BMPR1B: variants seen among roughly 807,000 people sequenced by gnomAD.
BMPR1B encodes the protein bone morphogenetic protein receptor type-1B.
In BMPR1B, 12 loss-of-function variants were observed where a neutral mutation model predicts 59.1. The ratio of observed to expected loss-of-function variants is 0.20; its 90% CI spans 0.13 to 0.33. The LOEUF (loss-of-function observed/expected upper bound fraction) is 0.33, where lower values mean the gene tolerates loss of function less well. BMPR1B is among the 10% of genes least tolerant of loss of function. The pLI is 1.00. For missense variants in BMPR1B, 550 were observed against 610.9 expected (o/e 0.90, Z 1.05); for synonymous variants, 237 against 207.3 (o/e 1.14, Z -1.23).
At chr4:94,865,908 T>C (rs749018755) in intron 1 of BMPR1B, among the ~76,000 whole-genome samples, 1 of 152,162 alleles carries the variant, frequency 6.6e-6, no homozygotes, top group Non-Finnish European at 1.5e-5. Context: ...ATTTTTCTGA[T>C]TTGTGTCAGG....
intron 1 of BMPR1B, among the ~76,000 whole-genome samples, chr4:94,819,141 AAAT>A (rs919135475): frequency 6.6e-6 from 1 of 151,766 alleles, no homozygotes; most frequent in African/African-American, 2.4e-5. Flanking sequence ...ATCTCAAATA[AAAT>A]TTTTTTTTTT....
At chr4:95,125,842 T>A (rs1414642716) in intron 8 of BMPR1B, among the ~76,000 whole-genome samples, 1 of 152,186 alleles carries the variant, frequency 6.6e-6, no homozygotes, top group African/African-American at 2.4e-5. Context: ...TAATACCCAA[T>A]ACTGCTTGCA....
At chr4:94,951,441 C>G (rs1328823345) in intron 2 of BMPR1B, among the ~76,000 whole-genome samples, 1 of 152,148 alleles carries the variant, frequency 6.6e-6, no homozygotes. Context: ...TTTTGAGATG[C>G]ATTCCATCAG....
chr4:94,903,892 CT>C (rs1195589880), intron 2 of BMPR1B, among the ~76,000 whole-genome samples: 2 of 151,988 alleles, frequency 1.3e-5, no homozygotes, highest in Non-Finnish European at 2.9e-5. Context: ...GACTTCCAGC[CT>C]CCAGAATAGT....
chr4:95,008,255 A>C (rs1722987492), intron 3 of BMPR1B, among the ~76,000 whole-genome samples: 1 of 152,184 alleles, frequency 6.6e-6, no homozygotes, highest in Non-Finnish European at 1.5e-5. Flanking sequence ...AACTATGTAA[A>C]AAGTCATAAA....
At chr4:94,824,014 G>T (rs1413933063) in intron 1 of BMPR1B, among the ~76,000 whole-genome samples, 1 of 152,246 alleles carries the variant, frequency 6.6e-6, no homozygotes, top group Admixed American at 6.5e-5. Flanking sequence ...CCAAAGTGCT[G>T]GGATTACAGG....
At chr4:95,044,174 A>G (rs1725870005) in intron 3 of BMPR1B, among the ~76,000 whole-genome samples, 2 of 152,212 alleles carry the variant, frequency 1.3e-5, no homozygotes, top group African/African-American at 4.8e-5. Flanking sequence ...TTGTCTCTTT[A>G]TATTTGTATG....
chr4:94,772,928 T>C (rs1722237504), intron 1 of BMPR1B, among the ~76,000 whole-genome samples: 1 of 152,120 alleles, frequency 6.6e-6, no homozygotes, highest in South Asian at 2.1e-4. Context: ...TGAAACCATA[T>C]AATAAGGAAG....
intron 10 of BMPR1B, among the ~76,000 whole-genome samples, chr4:95,134,960 G>GT (rs2149306756): frequency 6.6e-6 from 1 of 152,302 alleles, no homozygotes; most frequent in East Asian, 1.9e-4. Context: ...GAATGGTAAT[G>GT]CCTGGGTTTT....
At chr4:94,914,168 A>G (rs1455448600) in intron 2 of BMPR1B, among the ~76,000 whole-genome samples, 2 of 152,196 alleles carry the variant, frequency 1.3e-5, no homozygotes, top group South Asian at 2.1e-4. Context: ...AGAGTAGAAA[A>G]TGGACAGGAT....
chr4:95,104,134 T>C (rs1731019400), intron 3 of BMPR1B, among the ~76,000 whole-genome samples: 1 of 152,078 alleles, frequency 6.6e-6, no homozygotes, highest in East Asian at 1.9e-4. Flanking sequence ...TAATGTCTCA[T>C]TGAGCTCCTT....
intron 2 of BMPR1B, among the ~76,000 whole-genome samples, chr4:94,880,907 A>G (rs1013681209): frequency 1.3e-5 from 2 of 152,176 alleles, no homozygotes; most frequent in Non-Finnish European, 2.9e-5. Flanking sequence ...AAGTGCTGAG[A>G]TTATAGGACT....
chr4:94,839,604 A>G (rs1210624894), intron 1 of BMPR1B, among the ~76,000 whole-genome samples: 3 of 147,754 alleles, frequency 2.0e-5, no homozygotes, highest in East Asian at 1.9e-4. Flanking sequence ...TTTGTTTTCT[A>G]TTTGCTTGGT....
intron 1 of BMPR1B, among the ~76,000 whole-genome samples, chr4:94,810,782 T>G (rs905955275): frequency 3.3e-5 from 5 of 152,140 alleles, no homozygotes; most frequent in African/African-American, 1.2e-4. Flanking sequence ...CTTTTCACCC[T>G]TTGGTGTTGA....
intron 1 of BMPR1B, among the ~76,000 whole-genome samples, chr4:94,777,235 G>C (rs1722406798): frequency 6.6e-6 from 1 of 152,006 alleles, no homozygotes; most frequent in South Asian, 2.1e-4. Context: ...TAAGAGAAGT[G>C]TGTTAATATT....
intron 2 of BMPR1B, among the ~76,000 whole-genome samples, chr4:94,911,163 A>G (rs1728259807): frequency 2.0e-5 from 3 of 152,220 alleles, no homozygotes. Context: ...ACAAAAGTTT[A>G]AAGTCTAAAT....
At chr4:94,975,363 G>GTT (rs763655134) in intron 2 of BMPR1B, among the ~76,000 whole-genome samples, 1,730 of 111,600 alleles carry the variant, frequency 0.016, 97 homozygotes, top group African/African-American at 0.042. Context: ...TTTTGTTTTT[G>GTT]TTTTTTTTTT....
intron 4 of BMPR1B, among the ~76,000 whole-genome samples, chr4:95,111,222 ACT>A (rs1731612715): frequency 6.6e-6 from 1 of 152,074 alleles, no homozygotes; most frequent in African/African-American, 2.4e-5. Context: ...GAGCAGATAA[ACT>A]CTTTTTAACT....
At chr4:94,973,050 T>C (rs937685349) in intron 2 of BMPR1B, among the ~76,000 whole-genome samples, 9 of 152,016 alleles carry the variant, frequency 5.9e-5, no homozygotes, top group African/African-American at 2.2e-4. Flanking sequence ...CAAGCAAATA[T>C]GGGATCCAGT....
Sources: allele counts gnomAD v4.1 joint callset (sites outside exome capture counted in the v4.1 genomes callset), GRCh38; gene constraint gnomAD v4.1.1; transcripts MANE v1.5; gene names NCBI Gene and HGNC (gene_info 2026-07-23, HGNC 2026-07-21).